Variants in TRDN observed in about 807,000 individuals in gnomAD.
The protein encoded by TRDN is triadin.
Under a neutral mutation model 149.7 loss-of-function variants are expected in TRDN, and 161 were observed. The observed-to-expected ratio is 1.08, with a 90% confidence interval of 0.95 to 1.23. The LOEUF is 1.23. TRDN is among the 50% of genes most tolerant of loss of function. TRDN has a pLI of 0.00. For synonymous variants in TRDN, 294 were observed against 250.5 expected (o/e 1.17, Z -1.64); for missense variants, 896 against 823.5 (o/e 1.09, Z -1.08).
chr6:123,553,815 A>G (rs966938975), intron 2 of TRDN, among the ~76,000 whole-genome samples: 2 of 152,162 alleles, frequency 1.3e-5, no homozygotes, highest in African/African-American at 4.8e-5. Flanking sequence ...CATTGATTCA[A>G]TTATCTCCCA....
At chr6:123,270,044 A>C (rs959404770) in intron 30 of TRDN, among the ~76,000 whole-genome samples, 178 bp from the exon 31 acceptor site, 1 of 152,038 alleles carries the variant, frequency 6.6e-6, no homozygotes, top group Non-Finnish European at 1.5e-5. Flanking sequence ...ATCAAACTGC[A>C]AAAAACTAGT....
intron 38 of TRDN, among the ~76,000 whole-genome samples, chr6:123,249,973 TC>T (rs1328319433): frequency 5.3e-5 from 8 of 152,104 alleles, no homozygotes; most frequent in Non-Finnish European, 8.8e-5. Flanking sequence ...CAAAAAAACT[TC>T]TAGATTTGAT....
chr6:123,305,234 C>T (rs977134434), intron 24 of TRDN, among the ~76,000 whole-genome samples: 5 of 152,092 alleles, frequency 3.3e-5, no homozygotes, highest in African/African-American at 9.7e-5. Context: ...AACCTTAAGA[C>T]AGTAAGCAAA....
chr6:123,330,055 T>C (rs1295744893), intron 23 of TRDN, among the ~76,000 whole-genome samples: 3 of 152,060 alleles, frequency 2.0e-5, no homozygotes, highest in East Asian at 1.9e-4. Flanking sequence ...TATGGGATTA[T>C]GGAAAGAAGA....
At chr6:123,478,372 A>G (rs1023796291) in intron 9 of TRDN, among the ~76,000 whole-genome samples, 3 of 152,162 alleles carry the variant, frequency 2.0e-5, no homozygotes, top group Admixed American at 1.3e-4. Flanking sequence ...TAGCTGACCA[A>G]TTTCTGCAGT....
intron 2 of TRDN, among the ~76,000 whole-genome samples, chr6:123,562,168 A>G (rs1159509559): frequency 6.6e-6 from 1 of 151,966 alleles, no homozygotes; most frequent in Non-Finnish European, 1.5e-5. Flanking sequence ...TGCCCGCCAG[A>G]GAATAACCCC....
At chr6:123,280,451 T>C (rs1777540823) in intron 24 of TRDN, among the ~76,000 whole-genome samples, 1 of 152,134 alleles carries the variant, frequency 6.6e-6, no homozygotes, top group Non-Finnish European at 1.5e-5. Flanking sequence ...ATTCAGTTTG[T>C]CAACACACAC....
chr6:123,503,284 T>C (rs947429423), intron 8 of TRDN: 1 of 985,226 alleles, frequency 1.0e-6, no homozygotes, highest in Non-Finnish European at 1.2e-6. Context: ...TGGATAGTTT[T>C]TATGATATTT....
At chr6:123,410,135 A>T (rs989209350) in intron 12 of TRDN, among the ~76,000 whole-genome samples, 3 of 152,194 alleles carry the variant, frequency 2.0e-5, no homozygotes, top group Admixed American at 6.5e-5. Flanking sequence ...ATAATCAGAC[A>T]TGCCGTCAGT....
intron 1 of TRDN, among the ~76,000 whole-genome samples, chr6:123,625,066 CTTT>C (rs3064015): frequency 3.5e-4 from 51 of 144,440 alleles, no homozygotes; most frequent in South Asian, 1.5e-3. Flanking sequence ...CTTCCTGTCT[CTTT>C]TTTTTTTTTT....
chr6:123,522,410 G>A (rs1779725284), intron 5 of TRDN, among the ~76,000 whole-genome samples: 1 of 143,362 alleles, frequency 7.0e-6, no homozygotes, highest in Non-Finnish European at 1.5e-5. Context: ...AAAAAATAAG[G>A]CAATATACAA....
intron 10 of TRDN, chr6:123,445,236 G>T (rs1285880786): frequency 2.0e-5 from 3 of 152,036 alleles, no homozygotes; most frequent in Non-Finnish European, 4.4e-5. Context: ...ACTTCTTCCT[G>T]GTTTAGTCTT....
intron 38 of TRDN, among the ~76,000 whole-genome samples, chr6:123,243,315 C>T (rs1013682725): frequency 6.6e-6 from 1 of 151,986 alleles, no homozygotes; most frequent in African/African-American, 2.4e-5. Flanking sequence ...CAGCCAAAAT[C>T]AAAGCAACAA....
At chr6:123,604,705 A>C (rs1301225811) in intron 1 of TRDN, among the ~76,000 whole-genome samples, 2 of 152,108 alleles carry the variant, frequency 1.3e-5, no homozygotes, top group Non-Finnish European at 2.9e-5. Context: ...CAGTGTCTGC[A>C]GGACTTAAAT....
intron 10 of TRDN, among the ~76,000 whole-genome samples, chr6:123,449,775 T>C (rs2114648113): frequency 6.6e-6 from 1 of 152,190 alleles, no homozygotes; most frequent in South Asian, 2.1e-4. Flanking sequence ...CATCAGGTTA[T>C]CCAAAGTTAA....
At chr6:123,555,921 AAG>A (rs1337925556) in intron 2 of TRDN, among the ~76,000 whole-genome samples, 7 of 152,198 alleles carry the variant, frequency 4.6e-5, no homozygotes, top group African/African-American at 1.7e-4. Context: ...TACAGTATAA[AAG>A]AGTATTTCAA....
At chr6:123,619,224 A>G (rs1785254514) in intron 1 of TRDN, among the ~76,000 whole-genome samples, 1 of 152,210 alleles carries the variant, frequency 6.6e-6, no homozygotes, top group East Asian at 1.9e-4. Context: ...AACTGTAATC[A>G]TTTATTTTGC....
At chr6:123,362,377 T>A (rs539456564) in intron 20 of TRDN, among the ~76,000 whole-genome samples, 1 of 152,292 alleles carries the variant, frequency 6.6e-6, no homozygotes, top group South Asian at 2.1e-4. Context: ...CAATTTTTCA[T>A]CACCTCCCTA....
rs6569336 is a variant in TRDN, at chr6:123,337,631, G to T, written c.1408C>A (p.Leu470Met). The change falls in exon 22 of 41, where the codon CTG becomes ATG. Residue 470 changes from leucine to methionine, a missense_variant. Physicochemically the swap from Leu to Met is conservative, Grantham distance 15. Coordinates refer to ENST00000334268, the MANE Select transcript of TRDN (RefSeq NM_006073.4). ...TTAACTCTGTTACCTTTATCTTTCA[G>T]AATTGAAGAAGTCTTCCCAGATTTT... Reference protein sequence around the residue: ...KEKSGKTSSILKDKEPIKGKE... With the variant: ...KEKSGKTSSIMKDKEPIKGKE... The T allele has an allele frequency of 0.018, 26,264 of 1,422,180 alleles. 3,068 individuals carry two copies. The African/African-American group carries it at 0.28, about 15-fold the overall frequency. 88.1% of individuals were successfully genotyped at this position (1,422,180 alleles called of 1,614,324 possible).
Sources: allele counts gnomAD v4.1 joint callset (sites outside exome capture counted in the v4.1 genomes callset), GRCh38; gene constraint gnomAD v4.1.1; transcripts MANE v1.5; gene names NCBI Gene and HGNC (gene_info 2026-07-23, HGNC 2026-07-21).